ABI3BP: variants seen among roughly 807,000 people sequenced by gnomAD.
ABI3BP encodes the protein ABI family member 3 binding protein, also known as target of Nesh-SH3.
A neutral mutation model predicts 268.6 loss-of-function variants in ABI3BP; 216 were observed. The ratio of observed to expected loss-of-function variants is 0.80; its 90% CI spans 0.72 to 0.90. The LOEUF is 0.90. ABI3BP is among the 40% of genes least tolerant of loss of function. ABI3BP has a pLI of 0.00. For synonymous variants in ABI3BP, 730 were observed against 730.0 expected (o/e 1.00, Z 0.00); for missense variants, 2,090 against 2,182.4 (o/e 0.96, Z 0.84).
intron 9 of ABI3BP, among the ~76,000 whole-genome samples, chr3:100,867,862 A>C (rs560286266): frequency 6.6e-6 from 1 of 151,904 alleles, no homozygotes; most frequent in Non-Finnish European, 1.5e-5. Flanking sequence ...ACAAAGAATA[A>C]TTTTTTCCAT....
At chr3:100,970,828 G>C (rs892333529) in intron 1 of ABI3BP, among the ~76,000 whole-genome samples, 1 of 152,178 alleles carries the variant, frequency 6.6e-6, no homozygotes, top group African/African-American at 2.4e-5. Context: ...AGAAGCATGG[G>C]AGGGCCATGA....
intron 6 of ABI3BP, among the ~76,000 whole-genome samples, chr3:100,884,790 T>C (rs188104163): frequency 4.2e-4 from 64 of 152,198 alleles, no homozygotes; most frequent in Admixed American, 1.5e-3. Context: ...CCCAGTAATA[T>C]AATGTCCTTT....
chr3:100,810,456 TGAG>T lies in ABI3BP; in HGVS notation c.3560_3562del (p.Ser1187_Gln1188delinsTer). On this transcript the variant is annotated stop_gained and inframe_deletion, in exon 49 of 68. Transcript: ENST00000471714. LOFTEE classifies it high-confidence loss of function. Reference sequence around the variant, plus strand: ...ATCTGGGCTGGGTAGGGTTATAGATTGAGAAGGCAGAGGCGACGTTTCTATGGT... The same window carrying T: ...ATCTGGGCTGGGTAGGGTTATAGATTAAGGCAGAGGCGACGTTTCTATGGT... 6.5e-7 allele frequency: 1 copy of T among 1,534,968 alleles called. No homozygotes were observed. The highest frequency in any genetic ancestry group is 1.4e-5 in the African/African-American group (1 of 73,076).
intron 51 of ABI3BP, among the ~76,000 whole-genome samples, chr3:100,800,275 C>G (rs918607688): frequency 6.6e-6 from 1 of 150,822 alleles, no homozygotes; most frequent in African/African-American, 2.4e-5. Flanking sequence ...TTCTAAAATA[C>G]AGATGTAATT....
chr3:100,811,120 G>A (rs549926819), intron 48 of ABI3BP, 110 bp downstream of exon 48: 16 of 879,026 alleles, frequency 1.8e-5, no homozygotes, highest in Non-Finnish European at 2.1e-5. Context: ...CTGCCATGGC[G>A]AAGAGTGACG....
intron 54 of ABI3BP, 34 bp downstream of exon 54, chr3:100,794,889 G>T: frequency 6.8e-7 from 1 of 1,474,950 alleles, no homozygotes; most frequent in Non-Finnish European, 9.3e-7. Flanking sequence ...TAAAAGGCAA[G>T]CTCTCTTTGA....
chr3:100,835,475 T>C (rs1451720283), intron 28 of ABI3BP, 126 bp downstream of exon 28: 2 of 711,690 alleles, frequency 2.8e-6, no homozygotes, highest in Non-Finnish European at 2.2e-6. Context: ...ATGAAGAATA[T>C]AGTTCAATGA....
chr3:100,753,760 G>C (rs1430856166), intron 65 of ABI3BP, 59 bp downstream of exon 65: 2 of 1,571,668 alleles, frequency 1.3e-6, no homozygotes, highest in Admixed American at 3.5e-5. Flanking sequence ...TGCCATGCCT[G>C]TTCAGTTGAA....
At chr3:100,862,726 CCTAA>C (rs942918348) in intron 13 of ABI3BP, 108 bp downstream of exon 13, 33 of 718,998 alleles carry the variant, frequency 4.6e-5, no homozygotes, top group Middle Eastern at 2.6e-4. Context: ...CATTTGTTTG[CCTAA>C]CTATCAGTTC....
At chr3:100,778,696 A>T (rs1260640588) in intron 58 of ABI3BP, 2 of 263,844 alleles carry the variant, frequency 7.6e-6, no homozygotes, top group Non-Finnish European at 7.0e-6. Flanking sequence ...AAATTTTTTT[A>T]AAAACCACAA....
intron 57 of ABI3BP, among the ~76,000 whole-genome samples, chr3:100,781,034 A>AAG (rs1415407495): frequency 6.6e-6 from 1 of 152,254 alleles, no homozygotes; most frequent in Non-Finnish European, 1.5e-5. Context: ...AATTTAAACA[A>AAG]TAAAAATCAC....
chr3:100,797,001 G>A (rs2097365794), intron 51 of ABI3BP, among the ~76,000 whole-genome samples: 1 of 152,044 alleles, frequency 6.6e-6, no homozygotes, highest in Admixed American at 6.6e-5. Context: ...GAAGCAAAAG[G>A]AATCAGCTAG....
intron 2 of ABI3BP, among the ~76,000 whole-genome samples, chr3:100,924,279 G>A (rs1352480714): frequency 6.6e-6 from 1 of 152,102 alleles, no homozygotes; most frequent in Non-Finnish European, 1.5e-5. Flanking sequence ...ATATAGACCT[G>A]TTTGGATCCT....
rs150981522 is a variant in ABI3BP, at chr3:100,988,347, T to C, written c.79+4959A>G. On this transcript the variant is annotated intron_variant, in intron 1 of 67. Transcript: ENST00000471714. ...TTTATTTCCTCTTTGTAATCAATCA[T>C]GAGGAGTCAGGCCAGATAGAGACAA... Among the ~76,000 whole-genome samples, 5 of 152,262 alleles carry C rather than the reference T, an allele frequency of 3.3e-5. No homozygotes were observed. The East Asian group carries it at 9.7e-4, about 29-fold the overall frequency.
chr3:100,885,109 A>G (rs1219717227), intron 6 of ABI3BP, among the ~76,000 whole-genome samples: 1 of 152,102 alleles, frequency 6.6e-6, no homozygotes, highest in Non-Finnish European at 1.5e-5. Flanking sequence ...ACAAAATCAA[A>G]CTGGTTGCTC....
chr3:100,934,968 G>T (rs1161248102), intron 1 of ABI3BP, among the ~76,000 whole-genome samples: 1 of 152,142 alleles, frequency 6.6e-6, no homozygotes, highest in Non-Finnish European at 1.5e-5. Flanking sequence ...CTGTGCAGAA[G>T]CTCTTTAGTT....
At chr3:100,806,504 G>A (rs1011644106) in intron 50 of ABI3BP, among the ~76,000 whole-genome samples, 7 of 152,096 alleles carry the variant, frequency 4.6e-5, no homozygotes, top group South Asian at 4.1e-4. Flanking sequence ...AAACTATTAC[G>A]TAAGAATCAT....
chr3:100,775,864 T>G (rs1365527353), intron 59 of ABI3BP, among the ~76,000 whole-genome samples: 4 of 152,136 alleles, frequency 2.6e-5, no homozygotes, highest in African/African-American at 9.7e-5. Context: ...TTTTAGGGAC[T>G]GAGTCACTTG....
chr3:100,801,165 A>G (rs2152337245), intron 51 of ABI3BP, among the ~76,000 whole-genome samples: 1 of 152,246 alleles, frequency 6.6e-6, no homozygotes, highest in South Asian at 2.1e-4. Context: ...AAGATGGGCA[A>G]TTCCCATGAA....
Sources: allele counts gnomAD v4.1 joint callset (sites outside exome capture counted in the v4.1 genomes callset), GRCh38; gene constraint gnomAD v4.1.1; transcripts MANE v1.5; gene names NCBI Gene and HGNC (gene_info 2026-07-23, HGNC 2026-07-21).